Variants in ATXN7L1 observed in about 807,000 individuals in gnomAD.
The protein encoded by ATXN7L1 is ataxin-7-like protein 1.
A neutral mutation model predicts 70.8 loss-of-function variants in ATXN7L1; 15 were observed. The ratio of observed to expected loss-of-function variants is 0.21; its 90% CI spans 0.14 to 0.33. The LOEUF (loss-of-function observed/expected upper bound fraction) is 0.33. Among genes scored for constraint, ATXN7L1 ranks in the 10% least tolerant of loss-of-function variants. ATXN7L1 has a pLI of 1.00. For synonymous variants in ATXN7L1, 440 were observed against 445.1 expected (o/e 0.99, Z 0.14); for missense variants, 975 against 1,097.1 (o/e 0.89, Z 1.57).
At chr7:105,689,170 GAGA>G (rs1255828694) in intron 3 of ATXN7L1, among the ~76,000 whole-genome samples, 1 of 152,164 alleles carries the variant, frequency 6.6e-6, no homozygotes, top group Non-Finnish European at 1.5e-5. Flanking sequence ...GGGGCCAAGA[GAGA>G]AGGAGTGGGC....
rs940084044 is a variant in ATXN7L1 at position 105,711,323 on chromosome 7, C to T, written c.356-46035G>A. 2.0e-5 allele frequency among the ~76,000 whole-genome samples: 3 copies of T among 152,212 alleles called. No individual in the cohort carries two copies. In the South Asian group the frequency reaches 6.2e-4, roughly 32 times the overall value. ...TTCTCACACTGCAAAATACAATTAT[C>T]CCTTCTCAACAGTTTCCCAGTCTTA... On this transcript the variant is annotated intron_variant, in intron 3 of 11. Transcript: ENST00000419735.
At position 105,862,418 on chromosome 7, in the gene ATXN7L1, G is replaced by A. The variant is rs146734331; in HGVS notation, c.250+13394C>T. On this transcript the variant is annotated intron_variant, in intron 2 of 11. Transcript: ENST00000419735. ...TGTACTACTGCACTCCAGCCTGGGC[G>A]ACCGAGCTACTGCCCCTTCCCACCC... is the stretch of plus-strand genomic sequence containing the variant. Among the ~76,000 whole-genome samples the A allele has an allele frequency of 7.2e-4, 110 of 152,236 alleles. 1 individual carries two copies. In the South Asian group the frequency reaches 0.022, roughly 30 times the overall value.
At chr7:105,715,593 G>C (rs1246720513) in intron 3 of ATXN7L1, among the ~76,000 whole-genome samples, 2 of 152,262 alleles carry the variant, frequency 1.3e-5, no homozygotes, top group Non-Finnish European at 2.9e-5. Flanking sequence ...CATTTCTGTA[G>C]ATAGTCACTT....
intron 2 of ATXN7L1, among the ~76,000 whole-genome samples, chr7:105,802,928 CT>C (rs1807033434): frequency 2.0e-5 from 3 of 152,212 alleles, no homozygotes; most frequent in Admixed American, 6.5e-5. Flanking sequence ...ATTCCAGCAG[CT>C]TCGTAGTGTA....
intron 2 of ATXN7L1, among the ~76,000 whole-genome samples, chr7:105,857,132 C>A (rs536930419): frequency 6.6e-6 from 1 of 152,282 alleles, no homozygotes; most frequent in South Asian, 2.1e-4. Context: ...ATGTCCAAAT[C>A]CTAGCTGCTG....
In ATXN7L1 at chr7:105,647,077, A is replaced by G. The variant is rs923227115; in HGVS notation, c.579-3956T>C. 5.4e-4 allele frequency among the ~76,000 whole-genome samples: 83 copies of G among 152,342 alleles called. 2 individuals carry two copies. The highest frequency in any genetic ancestry group is 4.1e-4 in the South Asian group (2 of 4,826). Reference sequence around the variant, plus strand: ...AAACTTCAAGTGTTGATATGAACACATGGACAGCTAGCAAGAAGAGAAGGT... The same window carrying G: ...AAACTTCAAGTGTTGATATGAACACGTGGACAGCTAGCAAGAAGAGAAGGT... On this transcript the variant is annotated intron_variant, in intron 4 of 11. Coordinates refer to ENST00000419735, the MANE Select transcript of ATXN7L1 (RefSeq NM_020725.2).
At chr7:105,692,667 G>A (rs10247651) in intron 3 of ATXN7L1, among the ~76,000 whole-genome samples, 79,316 of 151,494 alleles carry the variant, frequency 0.52, 20,987 homozygotes, top group East Asian at 0.62. Flanking sequence ...GGCTGGTCTC[G>A]AACTCCTGAC....
At chr7:105,610,661 C>G (rs370865413) in intron 10 of ATXN7L1, 58 bp from the exon 11 acceptor site, 3 of 1,416,588 alleles carry the variant, frequency 2.1e-6, no homozygotes, top group Non-Finnish European at 1.9e-6. Flanking sequence ...GAAGGGCCCG[C>G]CGATGCCACA....
intron 4 of ATXN7L1, among the ~76,000 whole-genome samples, chr7:105,655,225 T>C (rs954924373): frequency 1.7e-4 from 26 of 152,190 alleles, no homozygotes; most frequent in African/African-American, 5.8e-4. Context: ...GCCTTAGATG[T>C]TTAAATTCCC....
At chr7:105,799,980 C>T (rs1194222861) in intron 2 of ATXN7L1, among the ~76,000 whole-genome samples, 1 of 152,158 alleles carries the variant, frequency 6.6e-6, no homozygotes, top group Non-Finnish European at 1.5e-5. Flanking sequence ...CAGAAAGAAG[C>T]ACTGGGGCAT....
intron 4 of ATXN7L1, among the ~76,000 whole-genome samples, chr7:105,659,132 G>A (rs1801173420): frequency 2.7e-5 from 4 of 147,900 alleles, no homozygotes; most frequent in Admixed American, 1.3e-4. Context: ...GCAGGACTCC[G>A]ACTCAAAAAA....
chr7:105,856,411 C>T (rs1815730249), intron 2 of ATXN7L1, among the ~76,000 whole-genome samples: 2 of 151,832 alleles, frequency 1.3e-5, no homozygotes, highest in Admixed American at 1.3e-4. Context: ...CATGGTGAAA[C>T]CCTGTTTCTA....
At chr7:105,870,495 CATTA>C (rs1310942106) in intron 2 of ATXN7L1, among the ~76,000 whole-genome samples, 1 of 152,148 alleles carries the variant, frequency 6.6e-6, no homozygotes, top group Non-Finnish European at 1.5e-5. Context: ...AGCCAACATT[CATTA>C]AGCACTTACT....
At chr7:105,768,748 C>T (rs367746491) in intron 3 of ATXN7L1, among the ~76,000 whole-genome samples, 17 of 152,290 alleles carry the variant, frequency 1.1e-4, no homozygotes, top group African/African-American at 3.4e-4. Context: ...TACAAGAAGA[C>T]GAGTAATCTT....
chr7:105,845,917 A>G (rs187737254), intron 2 of ATXN7L1, among the ~76,000 whole-genome samples: 3 of 152,340 alleles, frequency 2.0e-5, no homozygotes, highest in Admixed American at 6.5e-5. Context: ...CCATAGATCT[A>G]ATGTAGGAGC....
intron 2 of ATXN7L1, among the ~76,000 whole-genome samples, chr7:105,839,280 A>G (rs1395036865): frequency 6.6e-6 from 1 of 152,094 alleles, no homozygotes; most frequent in Non-Finnish European, 1.5e-5. Context: ...GAAAATCAAA[A>G]CTTGAACATG....
At chr7:105,872,762 A>C (rs1323552434) in intron 2 of ATXN7L1, among the ~76,000 whole-genome samples, 1 of 152,084 alleles carries the variant, frequency 6.6e-6, no homozygotes, top group East Asian at 1.9e-4. Context: ...GTGTAATATT[A>C]TGAAAGTACT....
intron 2 of ATXN7L1, among the ~76,000 whole-genome samples, chr7:105,859,077 G>A (rs1206242449): frequency 6.6e-6 from 1 of 151,920 alleles, no homozygotes; most frequent in Non-Finnish European, 1.5e-5. Flanking sequence ...GGTGAATTTT[G>A]AACGAGAACT....
intron 2 of ATXN7L1, among the ~76,000 whole-genome samples, chr7:105,808,443 A>T (rs930095701): frequency 6.6e-6 from 1 of 152,160 alleles, no homozygotes; most frequent in Non-Finnish European, 1.5e-5. Flanking sequence ...AGGAAAGCCA[A>T]CCTGATCAGT....
Sources: allele counts gnomAD v4.1 joint callset (sites outside exome capture counted in the v4.1 genomes callset), GRCh38; gene constraint gnomAD v4.1.1; transcripts MANE v1.5; gene names NCBI Gene and HGNC (gene_info 2026-07-23, HGNC 2026-07-21).